Variants in SS18 observed in about 807,000 individuals in gnomAD.
SS18 encodes the protein protein SSXT.
In SS18, 28 loss-of-function variants were observed where a neutral mutation model predicts 72.5. That is an observed-to-expected ratio of 0.39 (90% CI 0.29 to 0.53). The LOEUF is 0.53. Ranked by LOEUF, SS18 falls within the 20% of genes least tolerant of loss-of-function variation. The probability of loss-of-function intolerance (pLI) is 0.76; values close to 1 mark genes in which losing one functional copy is unlikely to be tolerated. For missense variants in SS18, 518 were observed against 535.3 expected (o/e 0.97, Z 0.32); for synonymous variants, 172 against 164.2 (o/e 1.05, Z -0.37).
chr18:26,071,607 A>T (rs2054310655), intron 3 of SS18, among the ~76,000 whole-genome samples: 1 of 152,126 alleles, frequency 6.6e-6, no homozygotes, highest in South Asian at 2.1e-4. Context: ...AAGGCAGGAG[A>T]ATCACTCGAG....
chr18:26,058,752 A>C (rs1193105586), intron 3 of SS18, among the ~76,000 whole-genome samples: 2 of 152,242 alleles, frequency 1.3e-5, no homozygotes, highest in African/African-American at 4.8e-5. Flanking sequence ...CTCTAATAGC[A>C]CACATTTTAA....
At chr18:26,050,687 G>C (rs2053906252) in intron 5 of SS18, among the ~76,000 whole-genome samples, 1 of 151,702 alleles carries the variant, frequency 6.6e-6, no homozygotes, top group Non-Finnish European at 1.5e-5. Flanking sequence ...TTTTTTATTT[G>C]TCCTAAAGAG....
intron 10 of SS18, among the ~76,000 whole-genome samples, chr18:26,032,140 G>C (rs1300882803): frequency 3.3e-5 from 5 of 152,052 alleles, no homozygotes; most frequent in Non-Finnish European, 5.9e-5. Context: ...AGAGCAAGAG[G>C]GGGAGAGAGA....
At chr18:26,027,805 C>G (rs965238349) in intron 10 of SS18, among the ~76,000 whole-genome samples, 1 of 148,988 alleles carries the variant, frequency 6.7e-6, no homozygotes, top group African/African-American at 2.5e-5. Context: ...TAAAAATCAA[C>G]TCAAAATGAA....
At chr18:26,052,946 C>A (rs1247789728) in intron 4 of SS18, 101 bp from the exon 5 acceptor site, 7 of 864,332 alleles carry the variant, frequency 8.1e-6, no homozygotes, top group African/African-American at 1.7e-5. Context: ...TATAGTAATA[C>A]CAAACAATAA....
intron 4 of SS18, 144 bp downstream of exon 4, chr18:26,057,445 T>C (rs1406601910): frequency 5.5e-6 from 5 of 907,804 alleles, no homozygotes; most frequent in Non-Finnish European, 8.5e-6. Flanking sequence ...CACGTAGCTC[T>C]GTAGCTAACA....
intron 4 of SS18, among the ~76,000 whole-genome samples, chr18:26,056,625 C>CACCA (rs773644091): frequency 8.6e-5 from 13 of 151,390 alleles, no homozygotes; most frequent in South Asian, 4.1e-4. Context: ...CATCCTTGGA[C>CACCA]ACCAATGCTA....
intron 10 of SS18, among the ~76,000 whole-genome samples, chr18:26,020,391 A>T (rs2053328439): frequency 6.6e-6 from 1 of 152,186 alleles, no homozygotes; most frequent in Non-Finnish European, 1.5e-5. Context: ...TCAATGATGG[A>T]GGGAAATGCT....
At chr18:26,033,252 G>A (rs896633457) in intron 9 of SS18, among the ~76,000 whole-genome samples, 2 of 152,160 alleles carry the variant, frequency 1.3e-5, no homozygotes, top group African/African-American at 4.8e-5. Context: ...AGTGGCTTAC[G>A]CCTGTAATCC....
rs181307792 is a variant in SS18, at chr18:26,080,863, T to C, written c.147-2703A>G. Among the ~76,000 whole-genome samples, 288 of 152,164 alleles carry C rather than the reference T, an allele frequency of 1.9e-3. 1 individual carries two copies. Among genetic ancestry groups the C allele is most frequent in the African/African-American group, 6.8e-3 (284 of 41,538 alleles). On this transcript the variant is annotated intron_variant, in intron 2 of 10. Coordinates refer to ENST00000415083, the MANE Select transcript of SS18 (RefSeq NM_001007559.3). ...GTCAGTAATACATTACTCCTAATAC[T>C]TCAGTACTGGCTTTCCAAAACAAGG... is the stretch of plus-strand genomic sequence containing the variant.
Position 26,035,160 on chromosome 18 carries a change from T to C in SS18, c.974-33A>G, listed in dbSNP as rs954898113. ...ATAATTGGAGAAGAGGAAAAAAAAC[T>C]GAGAAGTCTGCTTAAGTAACTTTTT... On this transcript the variant is annotated intron_variant, in intron 8 of 10. Coordinates refer to ENST00000415083, the MANE Select transcript of SS18 (RefSeq NM_001007559.3). This position sits in a 1 kb window ranked among gnomAD's most constrained non-coding sequence, Gnocchi z 4.4. 1.2e-6 allele frequency: 2 copies of C among 1,607,052 alleles called. No individual in the cohort carries two copies. Among genetic ancestry groups the C allele is most frequent in the Non-Finnish European group, 1.7e-6 (2 of 1,175,972 alleles).
At chr18:26,051,630 C>T (rs2053925797) in intron 5 of SS18, among the ~76,000 whole-genome samples, 1 of 152,072 alleles carries the variant, frequency 6.6e-6, no homozygotes, top group Admixed American at 6.6e-5. Context: ...CTGGATCTTG[C>T]TGTTGTTTGG....
chr18:26,042,869 C>A (rs1296873178), intron 5 of SS18, among the ~76,000 whole-genome samples: 1 of 151,958 alleles, frequency 6.6e-6, no homozygotes, highest in African/African-American at 2.4e-5. Context: ...TGTAATTTTA[C>A]AAATATTCTA....
At position 26,078,067 on chromosome 18, in the gene SS18, G is replaced by A; in HGVS notation, c.231+9C>T. 6.3e-7 allele frequency: 1 copy of A among 1,591,102 alleles called. No homozygotes were observed. The highest frequency in any genetic ancestry group is 8.6e-7 in the Non-Finnish European group (1 of 1,162,002). Reference sequence around the variant, plus strand: ...ATTGTCTACTTCACATGATTTTAAAGATACTTACTGCTGGTAAAAGAGACT... The same window carrying A: ...ATTGTCTACTTCACATGATTTTAAAAATACTTACTGCTGGTAAAAGAGACT... On this transcript the variant is annotated intron_variant, in intron 3 of 10. Transcript: ENST00000415083.
At chr18:26,090,826 A>C, upstream of SS18, 3 of 560,014 alleles carry the variant, frequency 5.4e-6, no homozygotes, top group South Asian at 2.1e-5. Flanking sequence ...AGCTCTCCTT[A>C]TGGGCACCCC....
Position 26,061,840 on chromosome 18 carries a change from GGAGT to G in SS18, c.232-4102_232-4099del, listed in dbSNP as rs1225561408. On this transcript the variant is annotated intron_variant, in intron 3 of 10. Transcript: ENST00000415083. ...CCCCACATGGAAGCATAGAACTAGA[GGAGT>G]TAGTTAAGAGGAATGGAAAAGTATA... 3.3e-5 allele frequency among the ~76,000 whole-genome samples: 5 copies of G among 152,254 alleles called. No individual in the cohort carries two copies. In the South Asian group the frequency reaches 6.2e-4, roughly 19 times the overall value.
intron 5 of SS18, among the ~76,000 whole-genome samples, chr18:26,043,114 G>A (rs894238645): frequency 1.3e-5 from 2 of 151,788 alleles, no homozygotes; most frequent in Non-Finnish European, 1.5e-5. Context: ...TATTATTATC[G>A]ACTTCTTCAC....
rs72878241 is a variant in SS18 at position 26,088,145 on chromosome 18, T to G, written c.70-568A>C. Among the ~76,000 whole-genome samples, 469 of 152,318 alleles carry G rather than the reference T, an allele frequency of 3.1e-3. 1 individual carries two copies. The highest frequency in any genetic ancestry group is 5.5e-3 in the Non-Finnish European group (375 of 68,016). On this transcript the variant is annotated intron_variant, in intron 1 of 10. Coordinates refer to ENST00000415083, the MANE Select transcript of SS18 (RefSeq NM_001007559.3). ...GTTTTAATATTCCAATTATTCTCCCTCTGAATAAACAAGCCCAGAAGGGAA... is the reference window on the plus strand; with the variant it reads ...GTTTTAATATTCCAATTATTCTCCCGCTGAATAAACAAGCCCAGAAGGGAA...
intron 3 of SS18, among the ~76,000 whole-genome samples, chr18:26,059,782 G>T (rs1356265958): frequency 6.6e-6 from 1 of 152,122 alleles, no homozygotes; most frequent in East Asian, 1.9e-4. Flanking sequence ...TTCTATAATT[G>T]TTCAACCACA....
Sources: gnomAD v4.1 joint callset for allele counts (sites outside exome capture counted in the v4.1 genomes callset) on GRCh38, gnomAD v4.1.1 for gene constraint, Gnocchi (gnomAD v3.1) non-coding constraint, MANE v1.5 for transcripts, NCBI Gene and HGNC (gene_info 2026-07-23, HGNC 2026-07-21) for gene names.